DGKI: variants seen among roughly 807,000 people sequenced by gnomAD.
The protein encoded by DGKI is diacylglycerol kinase iota, also known as DAG kinase iota.
DGKI carries 55 observed loss-of-function variants against 147.5 expected under a neutral mutation model. That is an observed-to-expected ratio of 0.37 (90% CI 0.30 to 0.47). The LOEUF (loss-of-function observed/expected upper bound fraction) is 0.47, where lower values mean the gene tolerates loss of function less well. Ranked by LOEUF, DGKI falls within the 20% of genes least tolerant of loss-of-function variation. The probability of loss-of-function intolerance (pLI) is 1.00; values close to 1 mark genes in which losing one functional copy is unlikely to be tolerated. For missense variants in DGKI, 1,007 were observed against 1,323.8 expected (o/e 0.76, Z 3.71); for synonymous variants, 469 against 477.1 (o/e 0.98, Z 0.22).
chr7:137,764,069 A>G (rs3778815), intron 1 of DGKI, among the ~76,000 whole-genome samples: 66,609 of 152,074 alleles, frequency 0.44, 15,669 homozygotes, highest in African/African-American at 0.62. Flanking sequence ...TTGATCAGAC[A>G]CTATCACAGA....
At chr7:137,654,653 C>A in intron 5 of DGKI, 79 bp downstream of exon 5, 1 of 1,042,656 alleles carries the variant, frequency 9.6e-7, no homozygotes, top group South Asian at 1.4e-5. Context: ...ATTTTTTATT[C>A]CCTGGTGAAT....
chr7:137,455,639 AG>A (rs71177903), intron 27 of DGKI, among the ~76,000 whole-genome samples: 5,211 of 69,078 alleles, frequency 0.075, 129 homozygotes, highest in South Asian at 0.14. Context: ...TAAAAAAAAA[AG>A]GGGGGGGGGC....
intron 3 of DGKI, among the ~76,000 whole-genome samples, chr7:137,666,378 G>A (rs193100682): frequency 1.3e-4 from 20 of 152,206 alleles, no homozygotes; most frequent in Admixed American, 1.1e-3. Context: ...ATTCCAACCT[G>A]GGTGACATGG....
chr7:137,624,761 C>A (rs865972014), intron 6 of DGKI, among the ~76,000 whole-genome samples: 2 of 151,690 alleles, frequency 1.3e-5, no homozygotes, highest in Non-Finnish European at 2.9e-5. Context: ...CCTGCCACCA[C>A]GCCTGGCTAA....
At chr7:137,565,411 G>A in intron 19 of DGKI, among the ~76,000 whole-genome samples, 1 of 151,932 alleles carries the variant, frequency 6.6e-6, no homozygotes, top group East Asian at 1.9e-4. Flanking sequence ...ATCAAAATAA[G>A]CATACATTTA....
At chr7:137,439,856 A>G (rs114600475) in intron 28 of DGKI, among the ~76,000 whole-genome samples, 2,868 of 152,304 alleles carry the variant, frequency 0.019, 75 homozygotes, top group African/African-American at 0.065. Context: ...CAGGAGAGGG[A>G]TGCCTGCCTC....
At chr7:137,502,596 C>G (rs577353295) in intron 21 of DGKI, among the ~76,000 whole-genome samples, 1 of 152,004 alleles carries the variant, frequency 6.6e-6, no homozygotes, top group Non-Finnish European at 1.5e-5. Context: ...AAATAACCTA[C>G]GTTCACATAA....
intron 6 of DGKI, among the ~76,000 whole-genome samples, chr7:137,637,395 T>C (rs1821351240): frequency 6.6e-6 from 1 of 152,238 alleles, no homozygotes. Context: ...AAAGGAAAAC[T>C]GTCCTCTCAA....
In DGKI at chr7:137,577,227, C is replaced by A; in HGVS notation, c.1756G>T (p.Val586Phe). Residue 586 changes from valine to phenylalanine, a missense_variant, in exon 17 of 33, where the codon GTT becomes TTT. By Grantham distance (50) the Val-to-Phe change is conservative. Transcript: ENST00000614521. ...TCAACATATTCAATACTTACAACAACTTTAACATGTTTGGATAGATCTCTA... is the reference window on the plus strand; with the variant it reads ...TCAACATATTCAATACTTACAACAAATTTAACATGTTTGGATAGATCTCTA... ...SSRDLSKHVK[V>F]VCDGTDLTPK... 3 of 1,592,728 alleles carry A rather than the reference C, an allele frequency of 1.9e-6. No homozygotes were observed. The highest frequency in any genetic ancestry group is 2.6e-6 in the Non-Finnish European group (3 of 1,165,276).
chr7:137,422,884 G>A (rs1585098916), intron 28 of DGKI, among the ~76,000 whole-genome samples: 2 of 152,070 alleles, frequency 1.3e-5, no homozygotes, highest in African/African-American at 2.4e-5. Flanking sequence ...GATTACAGGC[G>A]TGAGCCACCG....
Position 137,515,111 on chromosome 7 carries a change from A to T in DGKI, c.2248+6755T>A, listed in dbSNP as rs911929086. Among the ~76,000 whole-genome samples the T allele has an allele frequency of 2.6e-5, 4 of 152,054 alleles. No individual in the cohort carries two copies. In the South Asian group the frequency reaches 8.3e-4, roughly 32 times the overall value. ...AGGATGCTTGGCCTTGGAACTTGCC[A>T]TTTCCTCTGCCCAGGGATACTCTTC... is the stretch of plus-strand genomic sequence containing the variant. On this transcript the variant is annotated intron_variant, in intron 21 of 32. Transcript: ENST00000614521.
At chr7:137,578,911 T>C in intron 15 of DGKI, among the ~76,000 whole-genome samples, 1 of 152,318 alleles carries the variant, frequency 6.6e-6, no homozygotes, top group Admixed American at 6.5e-5. Context: ...TTAATGCCAG[T>C]TTAATTATTC....
At chr7:137,669,324 G>A (rs1822759895) in intron 3 of DGKI, among the ~76,000 whole-genome samples, 1 of 152,186 alleles carries the variant, frequency 6.6e-6, no homozygotes, top group East Asian at 1.9e-4. Context: ...GCCAGTAGTG[G>A]TTTTGGAGTA....
chr7:137,513,688 T>G lies in DGKI; in HGVS notation c.2248+8178A>C, dbSNP rs987358820. Among the ~76,000 whole-genome samples, 9 of 152,168 alleles carry G rather than the reference T, an allele frequency of 5.9e-5. No individual in the cohort carries two copies. In the South Asian group the frequency reaches 1.4e-3, roughly 24 times the overall value. On this transcript the variant is annotated intron_variant, in intron 21 of 32. Transcript: ENST00000614521. Reference sequence around the variant, plus strand: ...TAGGCTATACGGTATAGCCTGTAGCTCCTAGGCTACAAACCTGTACAGCAT... The same window carrying G: ...TAGGCTATACGGTATAGCCTGTAGCGCCTAGGCTACAAACCTGTACAGCAT...
intron 15 of DGKI, among the ~76,000 whole-genome samples, chr7:137,579,727 G>C (rs1819122592): frequency 6.6e-6 from 1 of 152,042 alleles, no homozygotes; most frequent in Non-Finnish European, 1.5e-5. Flanking sequence ...TGATTTACAT[G>C]CAGGGGAAAT....
chr7:137,723,448 G>A (rs771639050), intron 1 of DGKI, among the ~76,000 whole-genome samples: 7 of 152,106 alleles, frequency 4.6e-5, no homozygotes, highest in Non-Finnish European at 8.8e-5. Context: ...GGTTACTGAC[G>A]TTGCTATTCA....
chr7:137,625,485 TA>T (rs201485265), intron 6 of DGKI, among the ~76,000 whole-genome samples: 1 of 150,266 alleles, frequency 6.7e-6, no homozygotes, highest in African/African-American at 2.4e-5. Context: ...ATAAAAAATT[TA>T]AAAAAAAATA....
Position 137,846,917 on chromosome 7 carries a change from C to T in DGKI, c.-55G>A. ...GGAAACTCCGCTCACTCCCCCGCCC[C>T]GGCCAATCAGAGGCCGCCGCTCCCC... On this transcript the variant is annotated 5_prime_UTR_variant, in exon 1 of 33. Transcript: ENST00000614521. The surrounding 1 kb of genome is among the most constrained non-coding windows in gnomAD (Gnocchi z 4.0). 1 of 1,091,238 alleles carries T rather than the reference C, an allele frequency of 9.2e-7. No individual in the cohort carries two copies. Among genetic ancestry groups the T allele is most frequent in the Non-Finnish European group, 1.1e-6 (1 of 895,412 alleles). 67.6% of individuals were successfully genotyped at this position (1,091,238 alleles called of 1,614,324 possible).
intron 14 of DGKI, among the ~76,000 whole-genome samples, chr7:137,582,617 A>C (rs551782424): frequency 6.6e-6 from 1 of 152,222 alleles, no homozygotes; most frequent in African/African-American, 2.4e-5. Flanking sequence ...TATGACCATG[A>C]AATCTGAAAA....
Sources: allele counts gnomAD v4.1 joint callset (sites outside exome capture counted in the v4.1 genomes callset), GRCh38; gene constraint gnomAD v4.1.1; non-coding constraint Gnocchi (gnomAD v3.1); transcripts MANE v1.5; gene names NCBI Gene and HGNC (gene_info 2026-07-23, HGNC 2026-07-21).